Variants in GRIK1 observed in about 807,000 individuals in gnomAD.
The protein encoded by GRIK1 is glutamate receptor ionotropic, kainate 1.
A neutral mutation model predicts 105.7 loss-of-function variants in GRIK1; 69 were observed. The ratio of observed to expected loss-of-function variants is 0.65; its 90% CI spans 0.54 to 0.80. The LOEUF (loss-of-function observed/expected upper bound fraction) is 0.80. Ranked by LOEUF, GRIK1 falls within the 30% of genes least tolerant of loss-of-function variation. The pLI is 0.00. For missense variants in GRIK1, 1,109 were observed against 1,167.3 expected (o/e 0.95, Z 0.73); for synonymous variants, 438 against 431.3 (o/e 1.02, Z -0.19).
At chr21:29,893,610 G>T (rs1402274556) in intron 1 of GRIK1, among the ~76,000 whole-genome samples, 1 of 152,168 alleles carries the variant, frequency 6.6e-6, no homozygotes, top group Admixed American at 6.5e-5. Flanking sequence ...CTGGATAAAT[G>T]CTCACTATAT....
At chr21:29,615,006 G>A (rs183812639) in intron 7 of GRIK1, among the ~76,000 whole-genome samples, 11 of 151,580 alleles carry the variant, frequency 7.3e-5, no homozygotes, top group Non-Finnish European at 1.3e-4. Context: ...AAATAAGGAC[G>A]GTTCGCAGAA....
chr21:29,843,758 A>G (rs113723282), intron 1 of GRIK1, among the ~76,000 whole-genome samples: 2,182 of 151,452 alleles, frequency 0.014, 58 homozygotes, highest in African/African-American at 0.051. Context: ...CATTTGTCAG[A>G]GTTGGGGAGG....
chr21:29,747,995 A>G (rs1407129568), intron 1 of GRIK1, among the ~76,000 whole-genome samples: 2 of 152,168 alleles, frequency 1.3e-5, no homozygotes, highest in African/African-American at 4.8e-5. Context: ...ATCTCAAACA[A>G]TAAAATAAAA....
intron 1 of GRIK1, among the ~76,000 whole-genome samples, chr21:29,770,173 A>T (rs1469209351): frequency 1.3e-5 from 2 of 152,184 alleles, no homozygotes; most frequent in African/African-American, 4.8e-5. Context: ...ATGGCTAGAC[A>T]ACTCGCGTTT....
chr21:29,631,089 T>C (rs1451260897), intron 7 of GRIK1, among the ~76,000 whole-genome samples: 2 of 152,192 alleles, frequency 1.3e-5, no homozygotes, highest in Non-Finnish European at 2.9e-5. Context: ...ATTACAGGCC[T>C]GAGCTACTGC....
chr21:29,710,198 C>A (rs946205678), intron 1 of GRIK1, among the ~76,000 whole-genome samples: 11 of 151,968 alleles, frequency 7.2e-5, no homozygotes, highest in Non-Finnish European at 1.3e-4. Flanking sequence ...TATATTAACT[C>A]ATCCTGGCAA....
intron 16 of GRIK1, 69 bp from the exon 17 acceptor site, chr21:29,537,953 C>A: frequency 1.3e-6 from 1 of 745,238 alleles, no homozygotes; most frequent in Non-Finnish European, 2.3e-6. Flanking sequence ...GAGATTCTGG[C>A]AGCAGCAATG....
At chr21:29,731,460 C>T (rs942546339) in intron 1 of GRIK1, among the ~76,000 whole-genome samples, 1 of 152,178 alleles carries the variant, frequency 6.6e-6, no homozygotes, top group Admixed American at 6.6e-5. Flanking sequence ...CATGTTTCAT[C>T]TCCTATTAAA....
At chr21:29,580,225 G>T (rs1424523021) in intron 13 of GRIK1, among the ~76,000 whole-genome samples, 1 of 150,224 alleles carries the variant, frequency 6.7e-6, no homozygotes, top group Non-Finnish European at 1.5e-5. Context: ...AGGAGCAGGG[G>T]TCTCCTTCAC....
intron 7 of GRIK1, among the ~76,000 whole-genome samples, chr21:29,638,371 A>T (rs1299632390): frequency 6.6e-6 from 1 of 152,170 alleles, no homozygotes; most frequent in Non-Finnish European, 1.5e-5. Context: ...GCATGGGGGA[A>T]ACGCCCCCAT....
At chr21:29,659,620 C>T (rs1209624840) in intron 4 of GRIK1, among the ~76,000 whole-genome samples, 1 of 152,166 alleles carries the variant, frequency 6.6e-6, no homozygotes, top group Admixed American at 6.5e-5. Flanking sequence ...AAAATAATTA[C>T]TGCTTTATTT....
At chr21:29,597,580 A>G in intron 8 of GRIK1, 2 of 439,434 alleles carry the variant, frequency 4.6e-6, no homozygotes, top group Non-Finnish European at 9.5e-6. Flanking sequence ...CCAACATCCC[A>G]TGCACCATCG....
chr21:29,577,331 C>A lies in GRIK1; in HGVS notation c.1913-150G>T. 1.3e-5 allele frequency: 7 copies of A among 543,432 alleles called. No individual in the cohort carries two copies. The South Asian group carries it at 2.2e-4, about 17-fold the overall frequency. The allele number at this position is 543,432 out of a possible 1,614,324, so 33.7% of individuals were successfully genotyped here. A position where few individuals can be genotyped will look rare whatever the true frequency, so the allele number is the denominator to read the frequency against. ...TAAATGCATTTTATAGAAAATGGAG[C>A]AAAATCTTAAGGATTATTTTCAAAT... On this transcript the variant is annotated intron_variant, in intron 13 of 17. Coordinates refer to ENST00000327783, the MANE Select transcript of GRIK1 (RefSeq NM_001330994.2).
chr21:29,547,531 A>C (rs1037492624), intron 16 of GRIK1, among the ~76,000 whole-genome samples: 1 of 152,206 alleles, frequency 6.6e-6, no homozygotes, highest in South Asian at 2.1e-4. Context: ...GGGAAGTAAA[A>C]TGACTTGCCC....
At position 29,792,818 on chromosome 21, in the gene GRIK1, T is replaced by A. The variant is rs1312597828; in HGVS notation, c.119-98755A>T. On this transcript the variant is annotated intron_variant, in intron 1 of 17. Transcript: ENST00000327783. The stretch of plus-strand genomic sequence containing the variant: ...AGTGACAGTACAAACGTAAACAACC[T>A]CATTAGCAGCTCTTACCAAATGTAA... Among the ~76,000 whole-genome samples the A allele has an allele frequency of 1.6e-4, 25 of 152,294 alleles. No individual in the cohort carries two copies. The South Asian group carries it at 2.9e-3, about 18-fold the overall frequency.
chr21:29,636,456 G>T (rs1568917551), intron 7 of GRIK1, among the ~76,000 whole-genome samples: 1 of 152,156 alleles, frequency 6.6e-6, no homozygotes, highest in Non-Finnish European at 1.5e-5. Context: ...CAGTTGCATT[G>T]TCGTTATCTG....
chr21:29,762,738 T>C (rs1437210906), intron 1 of GRIK1, among the ~76,000 whole-genome samples: 1 of 151,614 alleles, frequency 6.6e-6, no homozygotes, highest in Non-Finnish European at 1.5e-5. Context: ...CTCTACAAAG[T>C]CACCTTTAGA....
intron 1 of GRIK1, among the ~76,000 whole-genome samples, chr21:29,938,350 C>T (rs891781105): frequency 3.9e-5 from 6 of 152,218 alleles, no homozygotes; most frequent in African/African-American, 1.4e-4. Flanking sequence ...TCTCCTGTGG[C>T]TCCCTCTGTG....
chr21:29,901,854 AT>A (rs2146263148), intron 1 of GRIK1, among the ~76,000 whole-genome samples: 1 of 152,318 alleles, frequency 6.6e-6, no homozygotes, highest in South Asian at 2.1e-4. Context: ...AAAAAGGAGA[AT>A]TTTAGGCCAA....
Sources: gnomAD v4.1 joint callset for allele counts (sites outside exome capture counted in the v4.1 genomes callset) on GRCh38, gnomAD v4.1.1 for gene constraint, MANE v1.5 for transcripts, NCBI Gene and HGNC (gene_info 2026-07-23, HGNC 2026-07-21) for gene names.